Variants in ARFGAP2 observed in about 807,000 individuals in gnomAD.
The protein encoded by ARFGAP2 is ARF GTPase activating protein 2, also known as ADP-ribosylation factor GTPase-activating protein 2.
In ARFGAP2, 45 loss-of-function variants were observed where a neutral mutation model predicts 71.9. The observed-to-expected ratio is 0.63, with a 90% CI of 0.49 to 0.80. ARFGAP2 has a LOEUF of 0.80. Among genes scored for constraint, ARFGAP2 ranks in the 30% least tolerant of loss-of-function variants. ARFGAP2 has a pLI of 0.00. For missense variants in ARFGAP2, 633 were observed against 673.9 expected, an observed-to-expected ratio of 0.94 and a Z score of 0.67; for synonymous variants, 248 against 249.2, an observed-to-expected ratio of 1.00 and a Z score of 0.05.
intron 10 of ARFGAP2, among the ~76,000 whole-genome samples, chr11:47,170,410 C>G (rs545995264): frequency 1.3e-5 from 2 of 151,708 alleles, no homozygotes; most frequent in South Asian, 4.2e-4. Flanking sequence ...CTTTGGGAGG[C>G]TGAGGCAGGT....
In ARFGAP2 at chr11:47,165,519, A is replaced by G. The variant is rs1952314824; in HGVS notation, c.1546-17T>C. On this transcript the variant is annotated splice_polypyrimidine_tract_variant and intron_variant, in intron 15 of 15. Transcript: ENST00000524782. ...GTAGCGATCCTGGGGGCGAGGGGGGAGAAAAAAAAAAAAAAAGTCAGAGGC... is the reference window on the plus strand; with the variant it reads ...GTAGCGATCCTGGGGGCGAGGGGGGGGAAAAAAAAAAAAAAAGTCAGAGGC... 2 of 1,499,496 alleles carry G rather than the reference A, an allele frequency of 1.3e-6. No individual in the cohort carries two copies. The highest frequency in any genetic ancestry group is 8.8e-7 in the Non-Finnish European group (1 of 1,130,688). 92.9% of individuals were successfully genotyped at this position (1,499,496 alleles called of 1,614,324 possible).
Position 47,171,538 on chromosome 11 carries a change from C to T in ARFGAP2, c.829G>A (p.Ala277Thr). 6.2e-7 allele frequency: 1 copy of T among 1,614,200 alleles called. No individual in the cohort carries two copies. Among genetic ancestry groups the T allele is most frequent in the Non-Finnish European group, 8.5e-7 (1 of 1,180,028 alleles). ...EESMVASMRL[A>T]YQELQIDRKK... Reference sequence around the variant, plus strand: ...CGATCAATCTGGAGCTCCTGGTAGGCCAGACGCATGGAGGCGACCCTTAGG... The same window carrying T: ...CGATCAATCTGGAGCTCCTGGTAGGTCAGACGCATGGAGGCGACCCTTAGG... Residue 277 changes from alanine (A) to threonine (T), a missense_variant, in exon 10 of 16, where the codon GCC (alanine) becomes ACC (threonine). Coordinates refer to ENST00000524782, the MANE Select transcript of ARFGAP2 (RefSeq NM_032389.6).
At position 47,176,125 on chromosome 11, in the gene ARFGAP2, C is replaced by A. The variant is rs1952807120; in HGVS notation, c.192-202G>T. ...CTCCAAAGAGTACTAATTATGTCCC[C>A]AGATCCGAAAGGAGGTCACATTCTC... On this transcript the variant is annotated intron_variant, in intron 2 of 15. Transcript: ENST00000524782. 1.3e-5 allele frequency: 8 copies of A among 615,300 alleles called. No individual in the cohort carries two copies. In the South Asian group the frequency reaches 1.4e-4, roughly 11 times the overall value. The allele number at this position is 615,300 out of a possible 1,614,324, so 38.1% of individuals were successfully genotyped here. A position where few individuals can be genotyped will look rare whatever the true frequency, so the allele number is the denominator to read the frequency against.
chr11:47,168,279 A>G, intron 10 of ARFGAP2, 28 bp from the exon 11 acceptor site: 1 of 1,613,338 alleles, frequency 6.2e-7, no homozygotes, highest in Non-Finnish European at 8.5e-7. Flanking sequence ...GCCAGGCATG[A>G]GACCAAAGGA....
chr11:47,171,382 G>A (rs1952592624), intron 10 of ARFGAP2, 44 bp downstream of exon 10: 1 of 1,608,924 alleles, frequency 6.2e-7, no homozygotes, highest in Admixed American at 1.7e-5. Flanking sequence ...ATGGTTCCCA[G>A]AAAACAACGG....
At chr11:47,175,665 T>C (rs1269535123) in intron 3 of ARFGAP2, 186 bp downstream of exon 3, 2 of 695,260 alleles carry the variant, frequency 2.9e-6, no homozygotes, top group East Asian at 2.8e-5. Context: ...CCCAGTTTAA[T>C]TGGAATCTGA....
intron 10 of ARFGAP2, chr11:47,169,460 G>C (rs765070554): frequency 6.6e-6 from 1 of 152,126 alleles, no homozygotes; most frequent in Non-Finnish European, 1.5e-5. Flanking sequence ...CCTCTGTCAG[G>C]CTCCACAAGG....
At chr11:47,165,877 G>GT (rs1952350597) in intron 15 of ARFGAP2, among the ~76,000 whole-genome samples, 1 of 151,748 alleles carries the variant, frequency 6.6e-6, no homozygotes, top group Non-Finnish European at 1.5e-5. Context: ...TTTCGTTTGT[G>GT]GTTTTTTTTT....
chr11:47,167,619 A>G (rs770526396), intron 12 of ARFGAP2, among the ~76,000 whole-genome samples: 25 of 152,344 alleles, frequency 1.6e-4, no homozygotes, highest in Middle Eastern at 3.4e-3. Context: ...ATGACAAAGC[A>G]CAACTCAAAC....
At chr11:47,170,367 C>T (rs1952552155) in intron 10 of ARFGAP2, among the ~76,000 whole-genome samples, 2 of 149,630 alleles carry the variant, frequency 1.3e-5, no homozygotes, top group African/African-American at 2.5e-5. Context: ...AAAAGAAAGC[C>T]GGGCACCGTG....
chr11:47,176,034 A>T (rs892518524), intron 2 of ARFGAP2, 111 bp from the exon 3 acceptor site: 14 of 1,038,800 alleles, frequency 1.3e-5, no homozygotes, highest in South Asian at 6.8e-5. Flanking sequence ...AGGAAACATT[A>T]ATCAGCCATC....
Position 47,167,049 on chromosome 11 carries a change from C to T in ARFGAP2, c.1206-163G>A, listed in dbSNP as rs529291621. The stretch of plus-strand genomic sequence containing the variant: ...GGGCCCCTCTCCCCTGGTGAGGAGT[C>T]ACCCTTCTCCACATTGAGGCCAAGG... On this transcript the variant is annotated intron_variant, in intron 12 of 15. Transcript: ENST00000524782. Among the ~76,000 whole-genome samples the T allele has an allele frequency of 6.6e-5, 10 of 152,312 alleles. No individual in the cohort carries two copies. The South Asian group carries it at 2.1e-3, about 32-fold the overall frequency.
At chr11:47,174,882 TG>T in intron 5 of ARFGAP2, 132 bp downstream of exon 5, 2 of 919,762 alleles carry the variant, frequency 2.2e-6, no homozygotes, top group Admixed American at 4.0e-5. Context: ...GCAGGAACAG[TG>T]GACTTCATAC....
chr11:47,176,466 A>C lies in ARFGAP2; in HGVS notation c.191+50T>G, dbSNP rs779163175. 2.6e-6 allele frequency: 4 copies of C among 1,555,452 alleles called. No individual in the cohort carries two copies. The South Asian group carries it at 3.3e-5, about 13-fold the overall frequency. ...GCAGCCACTCTCCCTTGTTGCCCAG[A>C]CACCCCTGGCCGGCCGGGTGGAAAC... On this transcript the variant is annotated intron_variant, in intron 2 of 15. Coordinates refer to ENST00000524782, the MANE Select transcript of ARFGAP2 (RefSeq NM_032389.6).
chr11:47,168,384 A>G, intron 10 of ARFGAP2, 133 bp from the exon 11 acceptor site: 3 of 1,270,956 alleles, frequency 2.4e-6, no homozygotes, highest in Non-Finnish European at 3.2e-6. Flanking sequence ...ACCCAAGCAC[A>G]GGGCTGGGCC....
At chr11:47,171,355 G>C in intron 10 of ARFGAP2, 71 bp downstream of exon 10, 1 of 1,590,416 alleles carries the variant, frequency 6.3e-7, no homozygotes, top group Non-Finnish European at 8.6e-7. Flanking sequence ...ATCCCAAACT[G>C]CTAGGAAGGC....
In ARFGAP2 at chr11:47,171,817, G is replaced by A. The variant is rs1002490454; in HGVS notation, c.673-17C>T. On this transcript the variant is annotated splice_polypyrimidine_tract_variant and intron_variant, in intron 8 of 15. Transcript: ENST00000524782. The stretch of plus-strand genomic sequence containing the variant: ...GGCACCCAGCTGGGAACAGAATCAT[G>A]TAAGGGGCCTTCCCAATCACACTCT... 12 of 1,612,078 alleles carry A rather than the reference G, an allele frequency of 7.4e-6. No homozygotes were observed. The African/African-American group carries it at 1.3e-4, about 18-fold the overall frequency.
At position 47,165,518 on chromosome 11, in the gene ARFGAP2, G is replaced by GAGA. The variant is rs1491187141; in HGVS notation, c.1546-19_1546-17dup. 9 of 1,507,078 alleles carry GAGA rather than the reference G, an allele frequency of 6.0e-6. No individual in the cohort carries two copies. Among genetic ancestry groups the GAGA allele is most frequent in the African/African-American group, 1.7e-5 (1 of 58,112 alleles). The allele number at this position is 1,507,078 out of a possible 1,614,324, so 93.4% of individuals were successfully genotyped here. A position where few individuals can be genotyped will look rare whatever the true frequency, so the allele number is the denominator to read the frequency against. On this transcript the variant is annotated splice_polypyrimidine_tract_variant and intron_variant, in intron 15 of 15. Transcript: ENST00000524782. ...CGTAGCGATCCTGGGGGCGAGGGGG[G>GAGA]AGAAAAAAAAAAAAAAAGTCAGAGG...
intron 6 of ARFGAP2, 120 bp downstream of exon 6, chr11:47,173,639 C>T (rs1952681033): frequency 1.1e-5 from 15 of 1,427,920 alleles, no homozygotes; most frequent in South Asian, 2.8e-5. Context: ...AAATGAATCC[C>T]GGCCCACCCA....
Sources: gnomAD v4.1 joint callset for allele counts (sites outside exome capture counted in the v4.1 genomes callset) on GRCh38, gnomAD v4.1.1 for gene constraint, MANE v1.5 for transcripts, NCBI Gene and HGNC (gene_info 2026-07-23, HGNC 2026-07-21) for gene names.